KIAA0040: variants seen among roughly 807,000 people sequenced by gnomAD.
KIAA0040 encodes uncharacterized protein KIAA0040.
Under a neutral mutation model 7.2 loss-of-function variants are expected in KIAA0040, and 10 were observed. That is an observed-to-expected ratio of 1.38 (90% CI 0.85 to 2.34). KIAA0040 has a LOEUF of 2.34. Ranked by LOEUF, KIAA0040 falls within the 30% of genes most tolerant of loss-of-function variation. KIAA0040 has a pLI of 0.00. For missense variants in KIAA0040, 89 were observed against 108.2 expected (o/e 0.82, Z 0.79); for synonymous variants, 49 against 40.1 (o/e 1.22, Z -0.84).
rs1048025299 is a variant in KIAA0040, at chr1:175,192,739, T to G, written c.-483A>C. The G allele has an allele frequency of 3.3e-4, 50 of 152,320 alleles. No individual in the cohort carries two copies. The highest frequency in any genetic ancestry group is 1.1e-3 in the African/African-American group (45 of 41,516). The allele number at this position is 152,320 out of a possible 1,614,324, so 9.4% of individuals were successfully genotyped here. ...GCCCTGGAGGGAGGTGTGGGTTCCT[T>G]TTTGGTTGCCTCTGCACTCCCACCC... On this transcript the variant is annotated 5_prime_UTR_variant, in exon 1 of 4. Coordinates refer to ENST00000423313, the MANE Select transcript of KIAA0040 (RefSeq NM_014656.3).
At position 175,181,899 on chromosome 1, in the gene KIAA0040, C is replaced by G. The variant is rs140407048; in HGVS notation, c.-383-4215G>C. ...CCAGTCAAAGTGGCCCGTGCTCCAA[C>G]TCAGCTCTAGAGGCCTCCAACCTCC... On this transcript the variant is annotated intron_variant, in intron 1 of 3. Transcript: ENST00000423313. 2.1e-4 allele frequency among the ~76,000 whole-genome samples: 32 copies of G among 152,350 alleles called. No individual in the cohort carries two copies. The East Asian group carries it at 5.0e-3, about 24-fold the overall frequency.
chr1:175,168,825 C>T (rs1227459214), intron 2 of KIAA0040, among the ~76,000 whole-genome samples: 1 of 152,212 alleles, frequency 6.6e-6, no homozygotes, highest in Non-Finnish European at 1.5e-5. Context: ...TGAGACCATA[C>T]TTCTCAGCCC....
At chr1:175,186,701 C>G (rs1187908087) in intron 1 of KIAA0040, among the ~76,000 whole-genome samples, 2 of 152,188 alleles carry the variant, frequency 1.3e-5, no homozygotes, top group African/African-American at 2.4e-5. Flanking sequence ...AAGAAAAGCA[C>G]AGTCTTTGGA....
rs4650716 is a variant in KIAA0040 at position 175,159,575 on chromosome 1, C to A, written c.*1139G>T. On this transcript the variant is annotated 3_prime_UTR_variant, in exon 4 of 4. Transcript: ENST00000423313. ...TTTCATTTAAACTCTGTTACCTCTG[C>A]ATCCCACCTGTGCCATACCGTGCAC... 86,158 of 152,230 alleles carry A rather than the reference C, an allele frequency of 0.57. 24,855 individuals carry two copies. Among genetic ancestry groups the A allele is most frequent in the East Asian group, 0.86 (4,480 of 5,190 alleles). 9.4% of individuals were successfully genotyped at this position (152,230 alleles called of 1,614,324 possible).
Position 175,159,042 on chromosome 1 carries a change from A to G in KIAA0040, c.*1672T>C, listed in dbSNP as rs1676415153. The G allele has an allele frequency of 6.6e-6, 1 of 152,260 alleles. No homozygotes were observed. Among genetic ancestry groups the G allele is most frequent in the Admixed American group, 6.5e-5 (1 of 15,290 alleles). 9.4% of individuals were successfully genotyped at this position (152,260 alleles called of 1,614,324 possible). On this transcript the variant is annotated 3_prime_UTR_variant, in exon 4 of 4. Coordinates refer to ENST00000423313, the MANE Select transcript of KIAA0040 (RefSeq NM_014656.3). ...AGTTTAGCTACATTATTAATTAGATAGCAATTTTGCCACTGTGTAGAATAG... is the reference window on the plus strand; with the variant it reads ...AGTTTAGCTACATTATTAATTAGATGGCAATTTTGCCACTGTGTAGAATAG...
At chr1:175,187,293 G>C (rs970611825) in intron 1 of KIAA0040, among the ~76,000 whole-genome samples, 1 of 152,168 alleles carries the variant, frequency 6.6e-6, no homozygotes, top group South Asian at 2.1e-4. Flanking sequence ...AGAAAGTTTG[G>C]ATGGACGTTT....
intron 2 of KIAA0040, among the ~76,000 whole-genome samples, chr1:175,173,668 A>G (rs1401037591): frequency 6.6e-6 from 1 of 152,152 alleles, no homozygotes; most frequent in Non-Finnish European, 1.5e-5. Flanking sequence ...ATCTATCAAC[A>G]TGTAAAAGCC....
At chr1:175,163,482 G>A (rs1274060825) in intron 3 of KIAA0040, among the ~76,000 whole-genome samples, 3 of 152,216 alleles carry the variant, frequency 2.0e-5, no homozygotes, top group Non-Finnish European at 4.4e-5. Context: ...CCTGGGAACA[G>A]CCCATGCCAT....
At chr1:175,162,298 G>T (rs1676576620) in intron 3 of KIAA0040, among the ~76,000 whole-genome samples, 1 of 152,092 alleles carries the variant, frequency 6.6e-6, no homozygotes, top group Non-Finnish European at 1.5e-5. Flanking sequence ...GGACACTCCA[G>T]AGATCATCCC....
At chr1:175,184,130 T>C (rs1179303146) in intron 1 of KIAA0040, among the ~76,000 whole-genome samples, 2 of 152,184 alleles carry the variant, frequency 1.3e-5, no homozygotes, top group Non-Finnish European at 2.9e-5. Flanking sequence ...GAGTGAGAAT[T>C]ACCAACTGGA....
intron 1 of KIAA0040, among the ~76,000 whole-genome samples, chr1:175,189,888 C>A (rs1159566443): frequency 6.6e-6 from 1 of 152,144 alleles, no homozygotes; most frequent in Non-Finnish European, 1.5e-5. Context: ...GCAGTTAAGC[C>A]AGGAACTGAA....
At position 175,157,131 on chromosome 1, in the gene KIAA0040, A is replaced by G. The variant is rs968032776; in HGVS notation, c.*3583T>C. 2.6e-5 allele frequency: 4 copies of G among 152,180 alleles called. No individual in the cohort carries two copies. Among genetic ancestry groups the G allele is most frequent in the African/African-American group, 9.7e-5 (4 of 41,418 alleles). The allele number at this position is 152,180 out of a possible 1,614,324, so 9.4% of individuals were successfully genotyped here. ...CAGTTTTTGCCCTAGTGGCTACTAT[A>G]GAGGTTTTTGATCCCTCCTTTCCCA... On this transcript the variant is annotated 3_prime_UTR_variant, in exon 4 of 4. Coordinates refer to ENST00000423313, the MANE Select transcript of KIAA0040 (RefSeq NM_014656.3).
Position 175,161,048 on chromosome 1 carries a change from C to T in KIAA0040, c.-35G>A, listed in dbSNP as rs772759838. 131 of 1,521,158 alleles carry T rather than the reference C, an allele frequency of 8.6e-5. No individual in the cohort carries two copies. The highest frequency in any genetic ancestry group is 1.1e-4 in the Non-Finnish European group (122 of 1,131,728). 94.2% of individuals were successfully genotyped at this position (1,521,158 alleles called of 1,614,324 possible). A position where few individuals can be genotyped will look rare whatever the true frequency, so the allele number is the denominator to read the frequency against. ...CTAGATTAGGGCCAGAGAACCCTCT[C>T]GGCTTACAAGCAGGTCCTGGGCTCA... On this transcript the variant is annotated 5_prime_UTR_variant, in exon 4 of 4. Transcript: ENST00000423313.
chr1:175,171,918 G>A (rs114544887), intron 2 of KIAA0040, among the ~76,000 whole-genome samples: 1 of 152,292 alleles, frequency 6.6e-6, no homozygotes, highest in African/African-American at 2.4e-5. Context: ...GAAATATGGG[G>A]GAGGTAAAAG....
chr1:175,164,252 C>T (rs1676664942), intron 3 of KIAA0040, among the ~76,000 whole-genome samples: 1 of 152,202 alleles, frequency 6.6e-6, no homozygotes, highest in South Asian at 2.1e-4. Flanking sequence ...ATCTCCTTAT[C>T]CGTTTATCAA....
intron 1 of KIAA0040, among the ~76,000 whole-genome samples, chr1:175,192,092 G>A (rs1277185875): frequency 6.6e-6 from 1 of 152,158 alleles, no homozygotes; most frequent in Non-Finnish European, 1.5e-5. Context: ...GTCTGGGGGT[G>A]GGACCACTGA....
Position 175,157,287 on chromosome 1 carries a change from A to T in KIAA0040, c.*3427T>A, listed in dbSNP as rs1057302. 1 of 152,048 alleles carries T rather than the reference A, an allele frequency of 6.6e-6. No homozygotes were observed. Among genetic ancestry groups the T allele is most frequent in the Non-Finnish European group, 1.5e-5 (1 of 68,016 alleles). The allele number at this position is 152,048 out of a possible 1,614,324, so 9.4% of individuals were successfully genotyped here. On this transcript the variant is annotated 3_prime_UTR_variant, in exon 4 of 4. Transcript: ENST00000423313. ...GTAAGTGTTGCCAAGGAACATCAGT[A>T]TATTTTTCCTGTAGCTGGCACCTTT...
At chr1:175,167,860 GCT>G (rs1234688450) in intron 2 of KIAA0040, among the ~76,000 whole-genome samples, 17 of 152,014 alleles carry the variant, frequency 1.1e-4, no homozygotes, top group African/African-American at 4.1e-4. Context: ...TCCTATGAGG[GCT>G]CTCAGTCTGG....
At chr1:175,191,204 C>G (rs994481311) in intron 1 of KIAA0040, among the ~76,000 whole-genome samples, 1 of 152,216 alleles carries the variant, frequency 6.6e-6, no homozygotes, top group African/African-American at 2.4e-5. Context: ...GGCCTGCACA[C>G]GGTAGGTTTG....
Sources: allele counts gnomAD v4.1 joint callset (sites outside exome capture counted in the v4.1 genomes callset), GRCh38; gene constraint gnomAD v4.1.1; transcripts MANE v1.5; gene names NCBI Gene and HGNC (gene_info 2026-07-23, HGNC 2026-07-21).